Variants in KHNYN observed in about 807,000 individuals in gnomAD.
KHNYN encodes the protein KH and NYN domain containing.
In KHNYN, 42 loss-of-function variants were observed where a neutral mutation model predicts 62.7. The observed-to-expected ratio is 0.67, with a 90% confidence interval of 0.52 to 0.87. The LOEUF (loss-of-function observed/expected upper bound fraction) is 0.87, where lower values mean the gene tolerates loss of function less well. Among genes scored for constraint, KHNYN ranks in the 40% least tolerant of loss-of-function variants. The probability of loss-of-function intolerance (pLI) is 0.00; values close to 1 mark genes in which losing one functional copy is unlikely to be tolerated. For missense variants in KHNYN, 829 were observed against 874.1 expected, an observed-to-expected ratio of 0.95 and a Z score of 0.65; for synonymous variants, 347 against 345.6, an observed-to-expected ratio of 1.00 and a Z score of -0.04.
At chr14:24,428,284 A>G, upstream of KHNYN, 1 of 1,613,602 alleles carries the variant, frequency 6.2e-7, no homozygotes, top group Non-Finnish European at 8.5e-7. Context: ...TGCTGAGGTC[A>G]CCTGGACAGT....
chr14:24,428,205 C>T (rs1044482375), upstream of KHNYN: 1 of 1,565,416 alleles, frequency 6.4e-7, no homozygotes. Flanking sequence ...AATGGAGAGT[C>T]CACCCGGAGG....
rs542335950 is a variant in KHNYN, at chr14:24,438,304, A to G, written c.*1019A>G. 2.0e-5 allele frequency: 3 copies of G among 152,518 alleles called. No homozygotes were observed. The South Asian group carries it at 6.2e-4, about 32-fold the overall frequency. 9.4% of individuals were successfully genotyped at this position (152,518 alleles called of 1,614,324 possible). Reference sequence around the variant, plus strand: ...AGATGAACACGTCGATTTTTCACCAATCGATGAAGCCATGCTCTGCAATGA... The same window carrying G: ...AGATGAACACGTCGATTTTTCACCAGTCGATGAAGCCATGCTCTGCAATGA... On this transcript the variant is annotated 3_prime_UTR_variant, in exon 8 of 8. Transcript: ENST00000553935.
At position 24,441,050 on chromosome 14, in the gene KHNYN, AT is replaced by A; in HGVS notation, c.*3768del. ...GATCTCCCCATTTGGAGACAGAGCC[AT>A]TTGGATATTTTCCCCTTGAACTTCT... On this transcript the variant is annotated 3_prime_UTR_variant, in exon 8 of 8. Transcript: ENST00000553935. 9.4e-7 allele frequency: 1 copy of A among 1,067,696 alleles called. No homozygotes were observed. Among genetic ancestry groups the A allele is most frequent in the Non-Finnish European group, 1.4e-6 (1 of 705,428 alleles). The allele number at this position is 1,067,696 out of a possible 1,614,324, so 66.1% of individuals were successfully genotyped here.
intron 6 of KHNYN, 53 bp downstream of exon 6, chr14:24,436,232 A>G (rs1273684385): frequency 6.5e-6 from 10 of 1,534,314 alleles, no homozygotes; most frequent in Non-Finnish European, 9.0e-6. Context: ...GTTTTTCTAA[A>G]GCCAGCTCTG....
intron 5 of KHNYN, among the ~76,000 whole-genome samples, chr14:24,433,438 A>G (rs116258664): frequency 0.012 from 1,758 of 152,342 alleles, 38 homozygotes; most frequent in African/African-American, 0.041. Flanking sequence ...CAAAATAACA[A>G]GTAAAATGGA....
chr14:24,428,604 C>A (rs549668701), upstream of KHNYN: 16 of 992,894 alleles, frequency 1.6e-5, no homozygotes, highest in African/African-American at 2.5e-4. Flanking sequence ...GGGAAACCGT[C>A]GGTGGGGTGG....
chr14:24,425,384 A>G (rs554976307), upstream of KHNYN, among the ~76,000 whole-genome samples: 4 of 152,334 alleles, frequency 2.6e-5, no homozygotes, highest in African/African-American at 9.6e-5. Flanking sequence ...ACACAATCAG[A>G]AATATTGGTG....
upstream of KHNYN, among the ~76,000 whole-genome samples, chr14:24,425,256 C>T (rs1236335397): frequency 4.6e-5 from 7 of 152,164 alleles, no homozygotes; most frequent in South Asian, 1.2e-3. Context: ...CTAATTTCCC[C>T]TTCTTCCTTG....
intron 5 of KHNYN, chr14:24,435,836 GC>G (rs1469878336): frequency 1.8e-6 from 1 of 554,176 alleles, no homozygotes; most frequent in East Asian, 3.0e-5. Context: ...ACCAGAAGTG[GC>G]CTATGGGAGA....
upstream of KHNYN, chr14:24,429,802 A>G (rs1030419272): frequency 1.8e-6 from 2 of 1,081,908 alleles, no homozygotes; most frequent in Admixed American, 1.0e-4. Context: ...GGCTGGTGAG[A>G]AGCGCAAGGG....
rs11538256 is a variant in KHNYN at position 24,440,423 on chromosome 14, C to T, written c.*3138C>T. On this transcript the variant is annotated 3_prime_UTR_variant, in exon 8 of 8. Coordinates refer to ENST00000553935, the MANE Select transcript of KHNYN (RefSeq NM_015299.3). Reference sequence around the variant, plus strand: ...GAATTGGTGGCCTGAGCCGATGGGGCCCCCCAGGCCCAGGCGAAAGGGCAG... The same window carrying T: ...GAATTGGTGGCCTGAGCCGATGGGGTCCCCCAGGCCCAGGCGAAAGGGCAG... 18 of 1,604,622 alleles carry T rather than the reference C, an allele frequency of 1.1e-5. No homozygotes were observed. Among genetic ancestry groups the T allele is most frequent in the Non-Finnish European group, 1.5e-5 (17 of 1,172,054 alleles).
At chr14:24,428,097 G>C (rs181024914), upstream of KHNYN, 11,284 of 1,345,584 alleles carry the variant, frequency 8.4e-3, 70 homozygotes, top group Non-Finnish European at 0.01. Context: ...TCTCCCGGGA[G>C]GGCTGAGGGG....
intron 5 of KHNYN, among the ~76,000 whole-genome samples, chr14:24,433,456 A>T (rs1211550403): frequency 2.0e-5 from 3 of 152,248 alleles, no homozygotes; most frequent in Non-Finnish European, 4.4e-5. Context: ...GGAGAAACAC[A>T]ACGCATGAAT....
chr14:24,435,936 A>G (rs1197605347), intron 5 of KHNYN, 136 bp from the exon 6 acceptor site: 4 of 688,158 alleles, frequency 5.8e-6, no homozygotes, highest in East Asian at 2.6e-5. Context: ...GGGGATACCA[A>G]TACAGTTTTG....
upstream of KHNYN, chr14:24,428,971 C>T: frequency 6.4e-7 from 1 of 1,551,108 alleles, no homozygotes; most frequent in East Asian, 2.4e-5. Context: ...CCCACCCGGC[C>T]CCCAGGGCCA....
chr14:24,436,751 C>T (rs201785804), intron 7 of KHNYN, among the ~76,000 whole-genome samples: 1 of 152,230 alleles, frequency 6.6e-6, no homozygotes, highest in Non-Finnish European at 1.5e-5. Flanking sequence ...CTTATACTGA[C>T]AGCCAGTTGT....
rs746540858 is a variant in KHNYN, at chr14:24,432,512, G to A, written c.1251G>A (p.Lys417=). 2 of 1,613,856 alleles carry A rather than the reference G, an allele frequency of 1.2e-6. No individual in the cohort carries two copies. Among genetic ancestry groups the A allele is most frequent in the South Asian group, 1.1e-5 (1 of 91,080 alleles). ...TGGTGACTGGCACACAGCGTTTCAA[G>A]GAGGCCCTGCAGGATCCTTTCACCC... The part of the protein sequence containing the change: ...GNLVTGTQRF[K]EALQDPFTLC... Residue 417 remains lysine (K), a synonymous_variant, in exon 3 of 8, where the codon AAG becomes AAA. Coordinates refer to ENST00000553935, the MANE Select transcript of KHNYN (RefSeq NM_015299.3). This position sits in a 1 kb window ranked among gnomAD's most constrained non-coding sequence, Gnocchi z 5.6.
chr14:24,435,906 C>A, intron 5 of KHNYN, 166 bp from the exon 6 acceptor site: 3 of 622,496 alleles, frequency 4.8e-6, no homozygotes, highest in Non-Finnish European at 8.5e-6. Flanking sequence ...GTGGTTTTTA[C>A]TTTTATTTTT....
rs2043132549 is a variant in KHNYN, at chr14:24,432,279, G to A, written c.1018G>A (p.Gly340Arg). ...GSCHRAAQSRGASLLQRLHNG... is the reference protein window; with the variant it reads ...GSCHRAAQSRRASLLQRLHNG... ...CTGTCACAGGGCAGCTCAGTCCCGA[G>A]GAGCCTCCCTCCTCCAGCGGCTCCA... is the stretch of plus-strand genomic sequence containing the variant. Residue 340 changes from glycine to arginine, a missense_variant, in exon 3 of 8, where the codon GGA becomes AGA. Gly to Arg is a moderately radical substitution (Grantham distance 125, BLOSUM62 -2). This residue lies in a region of KHNYN where 559 missense variants were observed against 527.0 expected (regional missense o/e 1.06). Coordinates refer to ENST00000553935, the MANE Select transcript of KHNYN (RefSeq NM_015299.3). The surrounding 1 kb of genome is among the most constrained non-coding windows in gnomAD (Gnocchi z 5.6). The A allele has an allele frequency of 6.2e-7, 1 of 1,613,862 alleles. No homozygotes were observed. Among genetic ancestry groups the A allele is most frequent in the Middle Eastern group, 1.6e-4 (1 of 6,062 alleles).
Sources: allele counts gnomAD v4.1 joint callset (sites outside exome capture counted in the v4.1 genomes callset), GRCh38; gene constraint gnomAD v4.1.1; regional missense constraint gnomAD v4.1.1; non-coding constraint Gnocchi (gnomAD v3.1); transcripts MANE v1.5; gene names NCBI Gene and HGNC (gene_info 2026-07-23, HGNC 2026-07-21).